Variants in LCTL observed in about 807,000 individuals in gnomAD.
The protein encoded by LCTL is lactase like.
A neutral mutation model predicts 75.8 loss-of-function variants in LCTL; 76 were observed. That is an observed-to-expected ratio of 1.00 (90% CI 0.83 to 1.21). The LOEUF (loss-of-function observed/expected upper bound fraction) is 1.21. Among genes scored for constraint, LCTL ranks in the 50% most tolerant of loss-of-function variants. LCTL has a pLI of 0.00. For missense variants in LCTL, 670 were observed against 712.4 expected, an observed-to-expected ratio of 0.94 and a Z score of 0.68; for synonymous variants, 271 against 268.8, an observed-to-expected ratio of 1.01 and a Z score of -0.08.
intron 11 of LCTL, among the ~76,000 whole-genome samples, chr15:66,551,198 T>G (rs1895584372): frequency 6.6e-6 from 1 of 151,404 alleles, no homozygotes; most frequent in African/African-American, 2.4e-5. Context: ...AATACAAAAA[T>G]TAGCTGGGCG....
chr15:66,561,626 T>A (rs1414555648), intron 4 of LCTL, among the ~76,000 whole-genome samples: 3 of 151,962 alleles, frequency 2.0e-5, no homozygotes, highest in African/African-American at 7.3e-5. Context: ...TGGGACAGAG[T>A]CTGCCTTCTT....
In LCTL at chr15:66,558,045, G is replaced by A. The variant is rs1446330196; in HGVS notation, c.706-9C>T. 1 of 1,597,178 alleles carries A rather than the reference G, an allele frequency of 6.3e-7. No individual in the cohort carries two copies. The highest frequency in any genetic ancestry group is 2.2e-5 in the East Asian group (1 of 44,484). The stretch of plus-strand genomic sequence containing the variant: ...CAGGCTTTGGCGTGGGCCTGAAAGG[G>A]GAGCAGAAATTCATCGTAGGTACCT... On this transcript the variant is annotated splice_polypyrimidine_tract_variant and intron_variant, in intron 6 of 12. Coordinates refer to ENST00000341509, the Ensembl canonical transcript of LCTL.
chr15:66,558,310 T>C (rs1895791418), intron 6 of LCTL, among the ~76,000 whole-genome samples: 1 of 152,240 alleles, frequency 6.6e-6, no homozygotes, highest in African/African-American at 2.4e-5. Context: ...TTTGTTCCTC[T>C]TAGTCCTCAG....
chr15:66,553,670 G>C (rs1165133731), intron 8 of LCTL, among the ~76,000 whole-genome samples: 2 of 151,320 alleles, frequency 1.3e-5, no homozygotes, highest in African/African-American at 4.9e-5. Flanking sequence ...CAGGAGAATG[G>C]CGTGAATCCA....
chr15:66,562,076 A>G (rs1319802324), intron 4 of LCTL, among the ~76,000 whole-genome samples: 1 of 152,068 alleles, frequency 6.6e-6, no homozygotes, highest in Non-Finnish European at 1.5e-5. Flanking sequence ...CTTCCAGGGC[A>G]CCGATGGGAC....
chr15:66,551,222 C>T (rs1008642903), intron 11 of LCTL, among the ~76,000 whole-genome samples: 6 of 151,468 alleles, frequency 4.0e-5, no homozygotes, highest in Admixed American at 3.3e-4. Context: ...TGGCATGCCC[C>T]TGTAATCCCA....
exon 10 of LCTL, chr15:66,552,094 C>G (rs1895620944): frequency 6.2e-7 from 1 of 1,612,000 alleles, no homozygotes; most frequent in African/African-American, 1.3e-5. Context: ...CTCCACTCAT[C>G]ACATAATTGA....
intron 9 of LCTL, 54 bp downstream of exon 10, chr15:66,552,930 G>A (rs1332888062): frequency 1.4e-6 from 2 of 1,398,436 alleles, no homozygotes; most frequent in African/African-American, 2.9e-5. Context: ...CTTAAGCTGT[G>A]AGAACATGAA....
At chr15:66,551,197 A>AT (rs1895584456) in intron 11 of LCTL, among the ~76,000 whole-genome samples, 1 of 151,734 alleles carries the variant, frequency 6.6e-6, no homozygotes, top group Admixed American at 6.6e-5. Context: ...AAATACAAAA[A>AT]TTAGCTGGGC....
chr15:66,549,956 G>A, intron 12 of LCTL, 85 bp downstream of exon 13: 1 of 874,212 alleles, frequency 1.1e-6, no homozygotes, highest in Non-Finnish European at 1.7e-6. Flanking sequence ...ACTTCAAGTA[G>A]AGCCACATTT....
exon 7 of LCTL, chr15:66,558,034 G>A (rs1895785574): frequency 6.2e-7 from 1 of 1,601,614 alleles, no homozygotes; most frequent in African/African-American, 1.3e-5. Context: ...CTTTGGCGTG[G>A]GCCTGAAAGG....
chr15:66,557,803 T>C, exon 8 of LCTL: 1 of 1,614,166 alleles, frequency 6.2e-7, no homozygotes, highest in African/African-American at 1.3e-5. Context: ...TGTAGGTATC[T>C]CTCGGCAGCC....
intron 4 of LCTL, among the ~76,000 whole-genome samples, chr15:66,563,007 C>G (rs772673649): frequency 6.6e-6 from 1 of 152,208 alleles, no homozygotes; most frequent in Admixed American, 6.5e-5. Context: ...AGCAGTGTGA[C>G]CTCCCTGCCA....
chr15:66,551,572 G>T, intron 11 of LCTL, 90 bp downstream of exon 12: 1 of 1,023,136 alleles, frequency 9.8e-7, no homozygotes, highest in South Asian at 1.5e-5. Flanking sequence ...ATGGAGGAAA[G>T]AGAAGAGAAA....
rs185625057 is a variant in LCTL, at chr15:66,557,685, C to T, written c.922+37G>A. ...TGTTTCACATGGGCTCAATAACTTG[C>T]CCTAGTATCTGCAGTTTAAAATGAG... On this transcript the variant is annotated intron_variant, in intron 8 of 12. Coordinates refer to ENST00000341509, the Ensembl canonical transcript of LCTL. 8 of 1,598,898 alleles carry T rather than the reference C, an allele frequency of 5.0e-6. No individual in the cohort carries two copies. The East Asian group carries it at 1.8e-4, about 36-fold the overall frequency.
exon 4 of LCTL, chr15:66,563,568 A>G: frequency 6.2e-7 from 1 of 1,612,730 alleles, no homozygotes. Context: ...GTTGCTGCTC[A>G]GAAGGGCATC....
intron 6 of LCTL, among the ~76,000 whole-genome samples, chr15:66,560,155 AG>A (rs1895851715): frequency 6.6e-6 from 1 of 152,152 alleles, no homozygotes; most frequent in South Asian, 2.1e-4. Flanking sequence ...AGCCAAATGT[AG>A]AAAAAATGAG....
At chr15:66,549,789 T>C (rs1895529029) in intron 12 of LCTL, 1 of 312,002 alleles carries the variant, frequency 3.2e-6, no homozygotes, top group Non-Finnish European at 5.8e-6. Context: ...TATATAAATT[T>C]ATAGGTATGA....
exon 5 of LCTL, chr15:66,561,304 G>T (rs376425330): frequency 6.2e-6 from 10 of 1,614,242 alleles, no homozygotes; most frequent in Non-Finnish European, 8.5e-6. Flanking sequence ...CACCGTATTT[G>T]ACCTGGAGCA....
Sources: gnomAD v4.1 joint callset for allele counts (sites outside exome capture counted in the v4.1 genomes callset) on GRCh38, gnomAD v4.1.1 for gene constraint, MANE v1.5 for transcripts, NCBI Gene and HGNC (gene_info 2026-07-23, HGNC 2026-07-21) for gene names.